Variants in CPT1A observed in about 807,000 individuals in gnomAD.
CPT1A encodes the protein carnitine O-palmitoyltransferase 1, liver isoform.
A neutral mutation model predicts 100.8 loss-of-function variants in CPT1A; 64 were observed. The ratio of observed to expected loss-of-function variants is 0.63; its 90% CI spans 0.52 to 0.78. The LOEUF is 0.78. CPT1A is among the 30% of genes least tolerant of loss of function. The pLI is 0.00. For synonymous variants in CPT1A, 363 were observed against 396.0 expected (o/e 0.92, Z 0.99); for missense variants, 802 against 1,034.1 (o/e 0.78, Z 3.08).
At chr11:68,800,667 C>G (rs1855883218) in intron 5 of CPT1A, among the ~76,000 whole-genome samples, 2 of 151,402 alleles carry the variant, frequency 1.3e-5, no homozygotes, top group African/African-American at 4.9e-5. Flanking sequence ...CCCCCAGCAA[C>G]AAAAAGTAAA....
intron 12 of CPT1A, among the ~76,000 whole-genome samples, chr11:68,778,924 TACAGGTG>T (rs1269271317): frequency 1.3e-5 from 2 of 151,838 alleles, no homozygotes; most frequent in Non-Finnish European, 2.9e-5. Flanking sequence ...TAGCTGGGAC[TACAGGTG>T]CCAGCCACCA....
rs78920898 is a variant in CPT1A at position 68,802,205 on chromosome 11, G to A, written c.555+1795C>T. On this transcript the variant is annotated intron_variant, in intron 5 of 18. Transcript: ENST00000265641. The stretch of plus-strand genomic sequence containing the variant: ...GGAACGAGACAGCAGTGAGGGCTGC[G>A]CAACATTATAAATGTACTTAGTGCC... 8.1e-3 allele frequency among the ~76,000 whole-genome samples: 1,234 copies of A among 152,144 alleles called. 18 individuals are homozygous for A. Among genetic ancestry groups the A allele is most frequent in the African/African-American group, 0.028 (1,176 of 41,494 alleles).
At chr11:68,791,351 A>G (rs1031244092) in intron 9 of CPT1A, among the ~76,000 whole-genome samples, 3 of 152,182 alleles carry the variant, frequency 2.0e-5, no homozygotes, top group Non-Finnish European at 2.9e-5. Context: ...AGACACTGTG[A>G]GAGGATGGAG....
At position 68,784,855 on chromosome 11, in the gene CPT1A, G is replaced by A. The variant is rs1490904063; in HGVS notation, c.1123C>T (p.Pro375Ser). 6.2e-7 allele frequency: 1 copy of A among 1,613,134 alleles called. No homozygotes were observed. The highest frequency in any genetic ancestry group is 8.5e-7 in the Non-Finnish European group (1 of 1,180,024). The change falls in exon 10 of 19, where the codon CCC (proline) becomes TCC (serine). Residue 375 changes from proline (P) to serine (S), a missense_variant. Pro to Ser is a moderately conservative substitution (Grantham distance 74). Around this residue, in one of 4 missense-constraint regions of CPT1A, gnomAD observed 627 missense variants for 799.3 expected, o/e 0.78. Transcript: ENST00000265641. ...RILDNTSEPQ[P>S]GEARLAALTA... ...AGGGCTGCCAGCCTGGCCTCCCCGG[G>A]CTGAGGCTCCGAGGTATTGTCCAGG...
chr11:68,838,635 G>A (rs2154003136), intron 1 of CPT1A, among the ~76,000 whole-genome samples: 1 of 147,180 alleles, frequency 6.8e-6, no homozygotes, highest in South Asian at 2.2e-4. Flanking sequence ...GCGCAGTGGT[G>A]CAATCATAGC....
intron 1 of CPT1A, among the ~76,000 whole-genome samples, chr11:68,828,156 C>T (rs1048193020): frequency 1.3e-5 from 2 of 152,212 alleles, no homozygotes; most frequent in Non-Finnish European, 2.9e-5. Context: ...TTGATGTGGT[C>T]ATCCTGCCCT....
Position 68,799,370 on chromosome 11 carries a change from G to GA in CPT1A, c.556-16_556-15insT, listed in dbSNP as rs539173750. 2.1e-3 allele frequency: 3,215 copies of GA among 1,505,966 alleles called. 5 individuals are homozygous for GA. Among genetic ancestry groups the GA allele is most frequent in the African/African-American group, 0.011 (816 of 72,694 alleles). The allele number at this position is 1,505,966 out of a possible 1,614,324, so 93.3% of individuals were successfully genotyped here. ...GACTGTAGATACTGGGATTATTGGG[G>GA]GAAAAAAAAATCACCCAAGTTAAAA... is the stretch of plus-strand genomic sequence containing the variant. On this transcript the variant is annotated splice_polypyrimidine_tract_variant and intron_variant, in intron 5 of 18. Coordinates refer to ENST00000265641, the MANE Select transcript of CPT1A (RefSeq NM_001876.4).
intron 1 of CPT1A, among the ~76,000 whole-genome samples, chr11:68,834,358 C>T (rs1856956379): frequency 6.6e-6 from 1 of 152,116 alleles, no homozygotes. Context: ...ATCGCTTGAA[C>T]CCGGGAGGCA....
chr11:68,760,699 T>C (rs775014367), intron 16 of CPT1A, among the ~76,000 whole-genome samples: 24 of 152,212 alleles, frequency 1.6e-4, no homozygotes, highest in Admixed American at 3.9e-4. Context: ...TCAAGCTGGC[T>C]ATTAAATACA....
chr11:68,822,290 G>A (rs769554013), intron 1 of CPT1A, among the ~76,000 whole-genome samples: 3 of 152,102 alleles, frequency 2.0e-5, no homozygotes, highest in Non-Finnish European at 2.9e-5. Context: ...CCAGCACTTC[G>A]CAAGGCCAAG....
At chr11:68,813,529 C>CAA (rs10590789) in intron 2 of CPT1A, among the ~76,000 whole-genome samples, 36 of 81,514 alleles carry the variant, frequency 4.4e-4, no homozygotes, top group African/African-American at 1.3e-3. Flanking sequence ...AGGCTCTGTC[C>CAA]AAAAAAAAAA....
chr11:68,762,614 G>C lies in CPT1A; in HGVS notation c.1875+13C>G, dbSNP rs1359029477. On this transcript the variant is annotated intron_variant, in intron 15 of 18. Coordinates refer to ENST00000265641, the MANE Select transcript of CPT1A (RefSeq NM_001876.4). ...GACAAGCACGTTGTGTCCTCAGCCT[G>C]ATGGCACATTACCGTCTGGGCCGGG... is the stretch of plus-strand genomic sequence containing the variant. 2.4e-5 allele frequency: 39 copies of C among 1,613,250 alleles called. No homozygotes were observed. Among genetic ancestry groups the C allele is most frequent in the Non-Finnish European group, 3.2e-5 (38 of 1,180,004 alleles).
chr11:68,816,544 C>T lies in CPT1A; in HGVS notation c.-13-1057G>A, dbSNP rs557097471. On this transcript the variant is annotated intron_variant, in intron 1 of 18. Coordinates refer to ENST00000265641, the MANE Select transcript of CPT1A (RefSeq NM_001876.4). ...CTTCCTGTACCCTTCATCCTGGCTC[C>T]GGCCGCCTTCCTTCAGGCTCCTTGG... 2.2e-4 allele frequency among the ~76,000 whole-genome samples: 33 copies of T among 152,246 alleles called. No homozygotes were observed. The South Asian group carries it at 6.6e-3, about 31-fold the overall frequency.
chr11:68,815,303 A>C, intron 2 of CPT1A, 31 bp downstream of exon 2: 1 of 1,611,154 alleles, frequency 6.2e-7, no homozygotes, highest in Non-Finnish European at 8.5e-7. Context: ...TAAAAGGCAT[A>C]CTGTGTAGAT....
intron 1 of CPT1A, among the ~76,000 whole-genome samples, chr11:68,831,997 T>C (rs968063055): frequency 6.6e-6 from 1 of 152,208 alleles, no homozygotes; most frequent in Non-Finnish European, 1.5e-5. Context: ...TATATTTTTA[T>C]ATTGATGTAT....
At chr11:68,834,165 G>A (rs1283451916) in intron 1 of CPT1A, among the ~76,000 whole-genome samples, 3 of 152,206 alleles carry the variant, frequency 2.0e-5, no homozygotes, top group African/African-American at 4.8e-5. Context: ...GGCTGGGCAC[G>A]GTGGCTCATG....
Position 68,841,810 on chromosome 11 carries a change from AGCG to A in CPT1A, c.-52_-50del, listed in dbSNP as rs891856679. On this transcript the variant is annotated 5_prime_UTR_variant, in exon 1 of 19. Coordinates refer to ENST00000265641, the MANE Select transcript of CPT1A (RefSeq NM_001876.4). The surrounding 1 kb of genome is among the most constrained non-coding windows in gnomAD (Gnocchi z 6.3). ...ACGGAGGTGCGGCAGCGGCAGCGGC[AGCG>A]GCGGCGGCGGCGGCGGCGGTGGAGT... 1,470 of 980,054 alleles carry A rather than the reference AGCG, an allele frequency of 1.5e-3. No homozygotes were observed. Among genetic ancestry groups the A allele is most frequent in the Non-Finnish European group, 1.7e-3 (1,374 of 824,350 alleles). The allele number at this position is 980,054 out of a possible 1,614,324, so 60.7% of individuals were successfully genotyped here.
chr11:68,836,123 T>C (rs1382991941), intron 1 of CPT1A, among the ~76,000 whole-genome samples: 1 of 152,210 alleles, frequency 6.6e-6, no homozygotes, highest in Non-Finnish European at 1.5e-5. Flanking sequence ...TGTGGTTGTA[T>C]TTTGTGCAAA....
At chr11:68,834,714 C>G (rs1314682177) in intron 1 of CPT1A, among the ~76,000 whole-genome samples, 1 of 152,142 alleles carries the variant, frequency 6.6e-6, no homozygotes, top group East Asian at 1.9e-4. Flanking sequence ...GCACTCTAGC[C>G]TGGATGACAG....
Sources: allele counts gnomAD v4.1 joint callset (sites outside exome capture counted in the v4.1 genomes callset), GRCh38; gene constraint gnomAD v4.1.1; regional missense constraint gnomAD v4.1.1; non-coding constraint Gnocchi (gnomAD v3.1); transcripts MANE v1.5; gene names NCBI Gene and HGNC (gene_info 2026-07-23, HGNC 2026-07-21).